PTPRT: variants seen among roughly 807,000 people sequenced by gnomAD.
The protein encoded by PTPRT is protein tyrosine phosphatase receptor type T.
A neutral mutation model predicts 176.8 loss-of-function variants in PTPRT; 56 were observed. That is an observed-to-expected ratio of 0.32 (90% CI 0.26 to 0.40). PTPRT has a LOEUF of 0.40. Ranked by LOEUF, PTPRT falls within the 10% of genes least tolerant of loss-of-function variation. PTPRT has a pLI of 1.00. For missense variants in PTPRT, 1,540 were observed against 1,908.2 expected (o/e 0.81, Z 3.60); for synonymous variants, 783 against 739.0 (o/e 1.06, Z -0.96).
intron 2 of PTPRT, among the ~76,000 whole-genome samples, chr20:42,808,873 C>T (rs180870489): frequency 6.6e-6 from 1 of 152,264 alleles, no homozygotes; most frequent in Admixed American, 6.5e-5. Flanking sequence ...ATGGGCACAC[C>T]TCAAAGTCTG....
chr20:42,831,451 A>G (rs1021788622), intron 2 of PTPRT, among the ~76,000 whole-genome samples: 1 of 152,192 alleles, frequency 6.6e-6, no homozygotes, highest in Non-Finnish European at 1.5e-5. Context: ...GCATAGGGAC[A>G]TTCTGTACAT....
intron 17 of PTPRT, among the ~76,000 whole-genome samples, chr20:42,145,224 A>AGAC (rs1310836243): frequency 4.6e-5 from 7 of 152,240 alleles, no homozygotes; most frequent in African/African-American, 1.7e-4. Context: ...TGTTGGGGCC[A>AGAC]GACGCAGTGG....
intron 3 of PTPRT, among the ~76,000 whole-genome samples, chr20:42,781,521 G>T (rs2077215409): frequency 6.6e-6 from 1 of 151,958 alleles, no homozygotes; most frequent in South Asian, 2.1e-4. Flanking sequence ...ATTCTTTTTG[G>T]TTTTCTCTGT....
intron 1 of PTPRT, among the ~76,000 whole-genome samples, chr20:43,060,552 T>C (rs934920665): frequency 1.3e-5 from 2 of 152,230 alleles, no homozygotes; most frequent in Non-Finnish European, 2.9e-5. Flanking sequence ...TATGTGACTA[T>C]GAGCAAGTTA....
chr20:42,865,128 G>A (rs1324276276), intron 2 of PTPRT, among the ~76,000 whole-genome samples: 2 of 152,160 alleles, frequency 1.3e-5, no homozygotes, highest in African/African-American at 4.8e-5. Flanking sequence ...GTCCCTGGTT[G>A]CAGTAATGAA....
intron 7 of PTPRT, among the ~76,000 whole-genome samples, chr20:42,648,820 G>GTTTTTTTTTTTGTTTTTTTTTT (rs746084382): frequency 8.9e-6 from 1 of 111,834 alleles, no homozygotes; most frequent in African/African-American, 3.7e-5. Flanking sequence ...TGGTGTCGTT[G>GTTTTTTTTTTTGTTTTTTTTTT]TTTTTTTTTT....
intron 7 of PTPRT, among the ~76,000 whole-genome samples, chr20:42,590,753 AATAG>A (rs1254646574): frequency 2.0e-5 from 3 of 152,182 alleles, no homozygotes; most frequent in African/African-American, 4.8e-5. Context: ...ATGTAGCAAA[AATAG>A]ATAGAAAAAA....
At chr20:42,274,026 G>A (rs2147015072) in intron 13 of PTPRT, among the ~76,000 whole-genome samples, 1 of 152,336 alleles carries the variant, frequency 6.6e-6, no homozygotes, top group Admixed American at 6.5e-5. Flanking sequence ...AGAATATAGT[G>A]GGATGGATCA....
At chr20:42,070,092 C>G (rs773190941), downstream of PTPRT, among the ~76,000 whole-genome samples, 1 of 151,958 alleles carries the variant, frequency 6.6e-6, no homozygotes, top group Non-Finnish European at 1.5e-5. Context: ...TTTCTCTTAT[C>G]TCACCAGCTG....
At chr20:42,062,442 C>T in the PTPRT span, among the ~76,000 whole-genome samples, 1 of 152,184 alleles carries the variant, frequency 6.6e-6, no homozygotes, top group African/African-American at 2.4e-5. Context: ...GTCTGTCTCT[C>T]TAAAGGTTGA....
chr20:42,464,642 G>T (rs1391223124), intron 8 of PTPRT, among the ~76,000 whole-genome samples: 1 of 152,088 alleles, frequency 6.6e-6, no homozygotes, highest in Admixed American at 6.5e-5. Flanking sequence ...AGACCATCTT[G>T]GTAAACATCT....
chr20:42,110,537 C>T (rs1476722209), intron 22 of PTPRT, 50 bp from the exon 23 acceptor site: 10 of 1,538,000 alleles, frequency 6.5e-6, no homozygotes, highest in Non-Finnish European at 8.8e-6. Flanking sequence ...CTCGCATACC[C>T]AGCCCAGCAA....
At position 42,080,370 on chromosome 20, in the gene PTPRT, T is replaced by C. The variant is rs1481191703; in HGVS notation, c.*509A>G. 1 of 234,270 alleles carries C rather than the reference T, an allele frequency of 4.3e-6. No homozygotes were observed. The highest frequency in any genetic ancestry group is 8.4e-6 in the Non-Finnish European group (1 of 119,048). 14.5% of individuals were successfully genotyped at this position (234,270 alleles called of 1,614,324 possible). On this transcript the variant is annotated 3_prime_UTR_variant, in exon 31 of 31. Coordinates refer to ENST00000373187, the MANE Select transcript of PTPRT (RefSeq NM_007050.6). ...ATCGTAAGGTCACACTGGTCCAGAC[T>C]GCAAATGTCTGGTGCCAGAGGCCCC...
At chr20:42,847,168 G>T (rs1333856871) in intron 2 of PTPRT, among the ~76,000 whole-genome samples, 1 of 152,192 alleles carries the variant, frequency 6.6e-6, no homozygotes, top group African/African-American at 2.4e-5. Flanking sequence ...GTACAAAGCG[G>T]GCAAGGACAA....
At chr20:43,098,128 G>A (rs2012242315) in intron 1 of PTPRT, among the ~76,000 whole-genome samples, 1 of 152,140 alleles carries the variant, frequency 6.6e-6, no homozygotes, top group South Asian at 2.1e-4. Flanking sequence ...CCCCAGAGAT[G>A]GAAGGAAGCT....
rs191683152 is a variant in PTPRT, at chr20:42,844,431, C to T, written c.214+41376G>A. ...CACATTACCATCAGAATTAAGGGGT[C>T]CTTTCTATGAGAGTCATAGTCCTTG... On this transcript the variant is annotated intron_variant, in intron 2 of 30. Transcript: ENST00000373187. Among the ~76,000 whole-genome samples, 455 of 152,300 alleles carry T rather than the reference C, an allele frequency of 3.0e-3. 4 individuals are homozygous for T. The highest frequency in any genetic ancestry group is 0.011 in the African/African-American group (443 of 41,566).
intron 1 of PTPRT, among the ~76,000 whole-genome samples, chr20:43,110,012 C>A (rs2012790494): frequency 6.6e-6 from 1 of 152,046 alleles, no homozygotes; most frequent in Non-Finnish European, 1.5e-5. Flanking sequence ...TATCTTAATC[C>A]TTTTTGTGTT....
chr20:42,304,747 T>C (rs1043624111), intron 12 of PTPRT, among the ~76,000 whole-genome samples: 5 of 152,214 alleles, frequency 3.3e-5, no homozygotes, highest in East Asian at 1.9e-4. Flanking sequence ...TCAGATTTCA[T>C]AGGATTGATA....
chr20:42,767,748 AT>A (rs1334689912), intron 5 of PTPRT, among the ~76,000 whole-genome samples: 8 of 146,202 alleles, frequency 5.5e-5, no homozygotes, highest in African/African-American at 2.0e-4. Context: ...AATGAGTGCT[AT>A]ATAAAGATTA....
Sources: gnomAD v4.1 joint callset for allele counts (sites outside exome capture counted in the v4.1 genomes callset) on GRCh38, gnomAD v4.1.1 for gene constraint, MANE v1.5 for transcripts, NCBI Gene and HGNC (gene_info 2026-07-23, HGNC 2026-07-21) for gene names.